Variants in RCSD1 observed in about 807,000 individuals in gnomAD.
RCSD1 encodes the protein capZ-interacting protein.
In RCSD1, 26 loss-of-function variants were observed where a neutral mutation model predicts 42.5. The ratio of observed to expected loss-of-function variants is 0.61; its 90% CI spans 0.45 to 0.85. The LOEUF is 0.85. RCSD1 is among the 40% of genes least tolerant of loss of function. The pLI is 0.00. For missense variants in RCSD1, 571 were observed against 528.3 expected (o/e 1.08, Z -0.79); for synonymous variants, 220 against 212.2 (o/e 1.04, Z -0.32).
chr1:167,635,100 C>T (rs764741044), intron 1 of RCSD1, among the ~76,000 whole-genome samples: 1 of 152,114 alleles, frequency 6.6e-6, no homozygotes, highest in African/African-American at 2.4e-5. Context: ...AAACATGTAA[C>T]GAATCCAAAT....
intron 1 of RCSD1, among the ~76,000 whole-genome samples, chr1:167,656,386 C>T (rs774237324): frequency 6.6e-6 from 1 of 152,144 alleles, no homozygotes; most frequent in Non-Finnish European, 1.5e-5. Flanking sequence ...CAAGAGACAC[C>T]TCCTTGTCGG....
At chr1:167,653,775 G>A (rs1295025316) in intron 1 of RCSD1, among the ~76,000 whole-genome samples, 1 of 152,344 alleles carries the variant, frequency 6.6e-6, no homozygotes, top group East Asian at 1.9e-4. Context: ...GCTTCTTAAA[G>A]AAGGCAGGAA....
intron 1 of RCSD1, among the ~76,000 whole-genome samples, chr1:167,644,488 A>C (rs868436709): frequency 9.1e-5 from 7 of 76,722 alleles, no homozygotes; most frequent in Non-Finnish European, 1.4e-4. Context: ...TCAAAAAATA[A>C]ATACATACAT....
chr1:167,696,728 A>G (rs1407976236), intron 5 of RCSD1, among the ~76,000 whole-genome samples: 1 of 152,130 alleles, frequency 6.6e-6, no homozygotes, highest in South Asian at 2.1e-4. Context: ...GCTGGATTAC[A>G]TGTGTGAGCC....
chr1:167,669,033 C>T (rs1217360988), intron 1 of RCSD1, among the ~76,000 whole-genome samples: 7 of 152,158 alleles, frequency 4.6e-5, no homozygotes, highest in East Asian at 1.9e-4. Flanking sequence ...CTTCTGCCTC[C>T]GAATTAGACA....
intron 6 of RCSD1, among the ~76,000 whole-genome samples, chr1:167,700,650 C>CA (rs1199114073): frequency 0.035 from 3,124 of 88,770 alleles, 43 homozygotes; most frequent in African/African-American, 0.048. Context: ...GATTCCGTCT[C>CA]AAAAAAAAAA....
intron 1 of RCSD1, among the ~76,000 whole-genome samples, chr1:167,656,199 G>T (rs963824345): frequency 6.6e-6 from 1 of 152,170 alleles, no homozygotes; most frequent in African/African-American, 2.4e-5. Context: ...TTGAGTAGCT[G>T]CTGAGGCGCA....
chr1:167,669,097 G>A (rs1313403159), intron 1 of RCSD1, among the ~76,000 whole-genome samples: 1 of 152,178 alleles, frequency 6.6e-6, no homozygotes, highest in Non-Finnish European at 1.5e-5. Flanking sequence ...AGGAAATGAT[G>A]TGCATGAAAA....
rs116761148 is a variant in RCSD1 at position 167,642,251 on chromosome 1, C to T, written c.6+11822C>T. Among the ~76,000 whole-genome samples, 768 of 152,238 alleles carry T rather than the reference C, an allele frequency of 5.0e-3. 6 individuals carry two copies. The highest frequency in any genetic ancestry group is 0.016 in the African/African-American group (667 of 41,536). On this transcript the variant is annotated intron_variant, in intron 1 of 6. Transcript: ENST00000367854. ...GTCTTAGAAGCCTTCACAAAGCAGA[C>T]GATCTTTGAGCTGTGTCTGGAAGTA...
At chr1:167,692,522 TA>T (rs143862194) in intron 4 of RCSD1, among the ~76,000 whole-genome samples, 3,527 of 149,292 alleles carry the variant, frequency 0.024, 43 homozygotes, top group African/African-American at 0.03. Flanking sequence ...CTTTTTTTTT[TA>T]TTTTTATTTT....
chr1:167,698,691 G>A (rs918043708), intron 6 of RCSD1, among the ~76,000 whole-genome samples: 2 of 152,106 alleles, frequency 1.3e-5, no homozygotes, highest in African/African-American at 2.4e-5. Flanking sequence ...TGTTTCACCC[G>A]TCGCTTTTGT....
chr1:167,635,144 A>G (rs902043856), intron 1 of RCSD1, among the ~76,000 whole-genome samples: 16 of 152,172 alleles, frequency 1.1e-4, no homozygotes, highest in Admixed American at 3.9e-4. Flanking sequence ...TCACCGTGAA[A>G]CACTAGGAGA....
chr1:167,680,721 C>A (rs1659061730), intron 1 of RCSD1, among the ~76,000 whole-genome samples: 1 of 152,198 alleles, frequency 6.6e-6, no homozygotes, highest in Non-Finnish European at 1.5e-5. Context: ...GATCCTCCTG[C>A]CTTGGACTCC....
At chr1:167,658,588 G>A (rs1658475629) in intron 1 of RCSD1, among the ~76,000 whole-genome samples, 1 of 152,032 alleles carries the variant, frequency 6.6e-6, no homozygotes, top group Non-Finnish European at 1.5e-5. Context: ...ACCACGCCTG[G>A]TTAATTTTTT....
At chr1:167,675,577 A>G (rs1658932059) in intron 1 of RCSD1, among the ~76,000 whole-genome samples, 1 of 152,170 alleles carries the variant, frequency 6.6e-6, no homozygotes, top group African/African-American at 2.4e-5. Context: ...CATGGACTTG[A>G]TATTTTGGTT....
intron 1 of RCSD1, among the ~76,000 whole-genome samples, chr1:167,643,642 C>T (rs1335377369): frequency 6.6e-6 from 1 of 151,998 alleles, no homozygotes; most frequent in Non-Finnish European, 1.5e-5. Context: ...CACAGAGAGC[C>T]ATATGGCTGG....
rs561084719 is a variant in RCSD1, at chr1:167,630,519, G to A, written c.6+90G>A. ...GGGCGGCTGCCCCTGCCCTGAGCAT[G>A]GAGCACGCGGCTCATCGCTGCTGCC... On this transcript the variant is annotated intron_variant, in intron 1 of 6. Coordinates refer to ENST00000367854, the MANE Select transcript of RCSD1 (RefSeq NM_052862.4). 101 of 1,325,812 alleles carry A rather than the reference G, an allele frequency of 7.6e-5. No individual in the cohort carries two copies. In the African/African-American group the frequency reaches 1.3e-3, roughly 17 times the overall value. 82.1% of individuals were successfully genotyped at this position (1,325,812 alleles called of 1,614,324 possible).
intron 1 of RCSD1, among the ~76,000 whole-genome samples, chr1:167,637,668 C>T (rs543900916): frequency 6.6e-6 from 1 of 152,206 alleles, no homozygotes; most frequent in South Asian, 2.1e-4. Flanking sequence ...TGTTCAAGCT[C>T]ACCAAAAAGC....
intron 1 of RCSD1, among the ~76,000 whole-genome samples, chr1:167,660,942 G>T (rs1658528331): frequency 6.6e-6 from 1 of 152,128 alleles, no homozygotes; most frequent in African/African-American, 2.4e-5. Context: ...CCAAAATGAG[G>T]TTTAGCTAAG....
Sources: gnomAD v4.1 joint callset for allele counts (sites outside exome capture counted in the v4.1 genomes callset) on GRCh38, gnomAD v4.1.1 for gene constraint, MANE v1.5 for transcripts, NCBI Gene and HGNC (gene_info 2026-07-23, HGNC 2026-07-21) for gene names.